CCSER1: variants seen among roughly 807,000 people sequenced by gnomAD.
CCSER1 encodes the protein serine-rich coiled-coil domain-containing protein 1.
A neutral mutation model predicts 82.0 loss-of-function variants in CCSER1; 41 were observed. The ratio of observed to expected loss-of-function variants is 0.50; its 90% CI spans 0.39 to 0.65. The LOEUF (loss-of-function observed/expected upper bound fraction) is 0.65, where lower values mean the gene tolerates loss of function less well. Ranked by LOEUF, CCSER1 falls within the 30% of genes least tolerant of loss-of-function variation. CCSER1 has a pLI of 0.00. For missense variants in CCSER1, 1,119 were observed against 1,064.2 expected, an observed-to-expected ratio of 1.05 and a Z score of -0.72; for synonymous variants, 414 against 383.9, an observed-to-expected ratio of 1.08 and a Z score of -0.92.
chr4:91,493,823 T>C (rs1178711914), intron 10 of CCSER1, among the ~76,000 whole-genome samples: 1 of 151,716 alleles, frequency 6.6e-6, no homozygotes. Flanking sequence ...TCTAATTTTT[T>C]TTAAAAAAAG....
chr4:90,916,673 T>G (rs898375418), intron 8 of CCSER1, among the ~76,000 whole-genome samples: 4 of 152,104 alleles, frequency 2.6e-5, no homozygotes, highest in African/African-American at 9.7e-5. Flanking sequence ...GGGATCTAAT[T>G]AAACTAAAGA....
intron 5 of CCSER1, among the ~76,000 whole-genome samples, chr4:90,487,422 G>A (rs1449048087): frequency 1.3e-5 from 2 of 152,148 alleles, no homozygotes; most frequent in African/African-American, 4.8e-5. Flanking sequence ...CAATTTTAAT[G>A]TACAGTAGTC....
At chr4:90,453,743 A>G (rs1761802337) in intron 4 of CCSER1, among the ~76,000 whole-genome samples, 1 of 151,850 alleles carries the variant, frequency 6.6e-6, no homozygotes, top group South Asian at 2.1e-4. Flanking sequence ...CCTGCCAACT[A>G]CAACTAAGGG....
intron 3 of CCSER1, among the ~76,000 whole-genome samples, chr4:90,388,517 C>A (rs1244394326): frequency 2.6e-5 from 4 of 152,070 alleles, no homozygotes; most frequent in Admixed American, 2.6e-4. Flanking sequence ...ACCATCTTAG[C>A]CAGGCTGGTC....
At chr4:91,394,613 CTA>C (rs1190864348) in intron 10 of CCSER1, among the ~76,000 whole-genome samples, 1 of 151,920 alleles carries the variant, frequency 6.6e-6, no homozygotes, top group Admixed American at 6.6e-5. Flanking sequence ...TTTTAGAAAA[CTA>C]TATTCCTTTT....
In CCSER1 at chr4:90,247,859, T is replaced by C. The variant is rs563078466; in HGVS notation, c.-41-60385T>C. 6.8e-3 allele frequency among the ~76,000 whole-genome samples: 1,032 copies of C among 152,136 alleles called. 9 individuals carry two copies. Among genetic ancestry groups the C allele is most frequent in the African/African-American group, 0.024 (999 of 41,552 alleles). On this transcript the variant is annotated intron_variant, in intron 1 of 10. Transcript: ENST00000509176. ...ACTAGCTGGTTCTTATTTATGGTTTTTTTTGAAAAAAGCATTTTTGATCTG... is the reference window on the plus strand; with the variant it reads ...ACTAGCTGGTTCTTATTTATGGTTTCTTTTGAAAAAAGCATTTTTGATCTG...
chr4:91,060,384 T>C (rs73834773), intron 9 of CCSER1, among the ~76,000 whole-genome samples: 2,082 of 152,106 alleles, frequency 0.014, 52 homozygotes, highest in African/African-American at 0.046. Context: ...ATAATTATAT[T>C]CTTTACCCAG....
chr4:90,480,862 C>G (rs1390865394), intron 5 of CCSER1, among the ~76,000 whole-genome samples: 2 of 152,262 alleles, frequency 1.3e-5, no homozygotes, highest in African/African-American at 4.8e-5. Context: ...GCAATGCGGG[C>G]TCTTTTTTGG....
chr4:91,065,824 T>G (rs1720754698), intron 9 of CCSER1, among the ~76,000 whole-genome samples: 1 of 152,162 alleles, frequency 6.6e-6, no homozygotes, highest in East Asian at 1.9e-4. Flanking sequence ...AAATTTATAG[T>G]CATTGTTTTA....
chr4:90,875,054 A>G (rs1384450859), intron 8 of CCSER1, among the ~76,000 whole-genome samples: 1 of 151,994 alleles, frequency 6.6e-6, no homozygotes, highest in Non-Finnish European at 1.5e-5. Context: ...TCAAAAAACA[A>G]AAACAACAAC....
At chr4:90,435,453 G>C (rs10516873) in intron 4 of CCSER1, among the ~76,000 whole-genome samples, 2,572 of 152,168 alleles carry the variant, frequency 0.017, 71 homozygotes, top group African/African-American at 0.059. Flanking sequence ...TACTGAGGAA[G>C]AAACTAAATG....
chr4:90,345,362 A>G (rs1579300756), intron 3 of CCSER1, among the ~76,000 whole-genome samples: 1 of 152,082 alleles, frequency 6.6e-6, no homozygotes, highest in South Asian at 2.1e-4. Flanking sequence ...AAATTTTAAG[A>G]AAAAGTTATC....
chr4:90,380,624 CTTCT>C (rs1359305747), intron 3 of CCSER1, among the ~76,000 whole-genome samples: 1 of 152,092 alleles, frequency 6.6e-6, no homozygotes, highest in Non-Finnish European at 1.5e-5. Flanking sequence ...GTAAATTTGC[CTTCT>C]TTGTATTTTC....
At chr4:91,065,847 G>C (rs1005969674) in intron 9 of CCSER1, among the ~76,000 whole-genome samples, 1 of 151,080 alleles carries the variant, frequency 6.6e-6, no homozygotes, top group Non-Finnish European at 1.5e-5. Flanking sequence ...AATCATATTT[G>C]AATATGACTT....
At chr4:91,203,506 TAAAC>T (rs1177043203) in intron 10 of CCSER1, among the ~76,000 whole-genome samples, 1 of 151,616 alleles carries the variant, frequency 6.6e-6, no homozygotes, top group African/African-American at 2.4e-5. Context: ...AGATAGATAA[TAAAC>T]ACACACACAC....
intron 10 of CCSER1, among the ~76,000 whole-genome samples, chr4:91,560,046 A>T (rs2110249983): frequency 6.6e-6 from 1 of 151,658 alleles, no homozygotes. Context: ...TGATTGGATA[A>T]TGAATAAATA....
intron 10 of CCSER1, among the ~76,000 whole-genome samples, chr4:91,186,854 A>G (rs1217583906): frequency 6.6e-6 from 1 of 152,222 alleles, no homozygotes; most frequent in Non-Finnish European, 1.5e-5. Context: ...GCCTTTAAGC[A>G]GTTTTCTGCC....
chr4:90,228,109 G>A (rs1349501045), intron 1 of CCSER1, among the ~76,000 whole-genome samples: 2 of 152,220 alleles, frequency 1.3e-5, no homozygotes, highest in African/African-American at 2.4e-5. Context: ...CTCCAACTGG[G>A]TGGAGCCCAC....
intron 7 of CCSER1, among the ~76,000 whole-genome samples, chr4:90,752,298 C>T (rs936945423): frequency 6.6e-6 from 1 of 152,074 alleles, no homozygotes; most frequent in Non-Finnish European, 1.5e-5. Context: ...TGCTACTTCT[C>T]TAATAGAATA....
Sources: allele counts gnomAD v4.1 joint callset (sites outside exome capture counted in the v4.1 genomes callset), GRCh38; gene constraint gnomAD v4.1.1; transcripts MANE v1.5; gene names NCBI Gene and HGNC (gene_info 2026-07-23, HGNC 2026-07-21).